ZNF487: variants seen among roughly 807,000 people sequenced by gnomAD.
ZNF487 encodes the protein zinc finger protein 487.
ZNF487 carries 4 observed loss-of-function variants against 3.0 expected under a neutral mutation model. The ratio of observed to expected loss-of-function variants is 1.35; its 90% CI spans 0.66 to 3.08. The LOEUF (loss-of-function observed/expected upper bound fraction) is 3.08. Ranked by LOEUF, ZNF487 falls within the 30% of genes most tolerant of loss-of-function variation. The probability of loss-of-function intolerance (pLI) is 0.01; values close to 1 mark genes in which losing one functional copy is unlikely to be tolerated. For synonymous variants in ZNF487, 55 were observed against 34.6 expected (o/e 1.59, Z -2.06); for missense variants, 146 against 98.7 (o/e 1.48, Z -2.03).
chr10:43,437,710 G>A (rs914603375), intron 1 of ZNF487, among the ~76,000 whole-genome samples: 1 of 152,144 alleles, frequency 6.6e-6, no homozygotes, highest in Non-Finnish European at 1.5e-5. Flanking sequence ...CCTTTTCCCA[G>A]TTCCTTCTGA....
intron 3 of ZNF487, among the ~76,000 whole-genome samples, chr10:43,477,487 G>A (rs1326919089): frequency 6.6e-6 from 1 of 151,916 alleles, no homozygotes; most frequent in Non-Finnish European, 1.5e-5. Flanking sequence ...GAGCCACTGC[G>A]CCTGGCTTCT....
chr10:43,490,346 T>C, the ZNF487 span, among the ~76,000 whole-genome samples: 1 of 151,928 alleles, frequency 6.6e-6, no homozygotes, highest in Non-Finnish European at 1.5e-5. Context: ...ACCAAGACCC[T>C]GCCTCAAACA....
At chr10:43,484,811 T>A (rs1416985682), downstream of ZNF487, among the ~76,000 whole-genome samples, 1 of 152,230 alleles carries the variant, frequency 6.6e-6, no homozygotes, top group African/African-American at 2.4e-5. Context: ...CAGCACAACA[T>A]GAGTGTTTCC....
the ZNF487 span, among the ~76,000 whole-genome samples, chr10:43,493,719 T>A: frequency 0.066 from 1,807 of 27,534 alleles, 99 homozygotes; most frequent in African/African-American, 0.12. Context: ...AATATATATA[T>A]ATATATATAT....
the ZNF487 span, among the ~76,000 whole-genome samples, chr10:43,517,738 T>G: frequency 6.6e-6 from 1 of 152,096 alleles, no homozygotes. Context: ...AAAACCTCCT[T>G]GATGTAGGAT....
chr10:43,504,770 G>A, the ZNF487 span, among the ~76,000 whole-genome samples: 2 of 148,340 alleles, frequency 1.3e-5, no homozygotes, highest in Non-Finnish European at 3.0e-5. Flanking sequence ...GCAGTGGCAC[G>A]ATCTTGGCTC....
chr10:43,444,913 C>G (rs1839744367), intron 1 of ZNF487, among the ~76,000 whole-genome samples: 1 of 152,018 alleles, frequency 6.6e-6, no homozygotes, highest in African/African-American at 2.4e-5. Flanking sequence ...AGATTTAGGC[C>G]ATCATCTCTT....
At chr10:43,484,284 T>C (rs909209921), downstream of ZNF487, among the ~76,000 whole-genome samples, 1 of 152,166 alleles carries the variant, frequency 6.6e-6, no homozygotes. Context: ...CAATGAATTA[T>C]TACAGGTCAC....
In ZNF487 at chr10:43,467,295, C is replaced by T. The variant is rs576616411; in HGVS notation, c.-93-8426C>T. 9.9e-5 allele frequency among the ~76,000 whole-genome samples: 15 copies of T among 152,124 alleles called. No homozygotes were observed. In the South Asian group the frequency reaches 1.0e-3, roughly 11 times the overall value. On this transcript the variant is annotated intron_variant, in intron 1 of 3. Coordinates refer to ENST00000437590, the MANE Select transcript of ZNF487 (RefSeq NM_001355444.3). ...TCTTGGCTCACTGCAACCTCTGCCT[C>T]GCGGGTTCAAGTGATTCTTCTGCCT...
chr10:43,517,719 A>G, the ZNF487 span, among the ~76,000 whole-genome samples: 43 of 152,288 alleles, frequency 2.8e-4, no homozygotes, highest in Non-Finnish European at 4.9e-4. Flanking sequence ...CAAGTTTGGC[A>G]CAGCTACCAA....
chr10:43,490,416 T>G, the ZNF487 span, among the ~76,000 whole-genome samples: 5 of 151,950 alleles, frequency 3.3e-5, no homozygotes, highest in East Asian at 9.6e-4. Context: ...TCCCATTTCT[T>G]CTTGTGATTT....
At chr10:43,460,311 T>C (rs1840381768) in intron 1 of ZNF487, among the ~76,000 whole-genome samples, 1 of 152,066 alleles carries the variant, frequency 6.6e-6, no homozygotes, top group South Asian at 2.1e-4. Flanking sequence ...TTTTAAAATA[T>C]ATTCCATGAC....
chr10:43,457,424 G>A (rs534977673), intron 1 of ZNF487, among the ~76,000 whole-genome samples: 7 of 150,672 alleles, frequency 4.6e-5, no homozygotes, highest in Middle Eastern at 3.5e-3. Flanking sequence ...GCATGGTGGC[G>A]CATGCCTGTA....
chr10:43,520,882 G>C, the ZNF487 span, among the ~76,000 whole-genome samples: 4,054 of 152,300 alleles, frequency 0.027, 77 homozygotes, highest in Non-Finnish European at 0.037. Flanking sequence ...TGGTAATAAG[G>C]AGTGACAGTT....
chr10:43,463,191 G>A (rs1840496268), intron 1 of ZNF487, among the ~76,000 whole-genome samples: 1 of 151,196 alleles, frequency 6.6e-6, no homozygotes, highest in Non-Finnish European at 1.5e-5. Context: ...CCGAGTTCAC[G>A]CCATTGCAAT....
the ZNF487 span, among the ~76,000 whole-genome samples, chr10:43,506,043 G>A: frequency 6.6e-6 from 1 of 152,208 alleles, no homozygotes; most frequent in South Asian, 2.1e-4. Flanking sequence ...CTTTACCAGT[G>A]TTCTTTTCCT....
intron 1 of ZNF487, among the ~76,000 whole-genome samples, chr10:43,459,289 G>A (rs1840334080): frequency 6.6e-6 from 1 of 151,968 alleles, no homozygotes; most frequent in Admixed American, 6.6e-5. Context: ...GAGTGCAGTG[G>A]CATGGTCTTG....
chr10:43,484,727 C>A (rs1283559401), downstream of ZNF487, among the ~76,000 whole-genome samples: 3 of 152,146 alleles, frequency 2.0e-5, no homozygotes, highest in Non-Finnish European at 4.4e-5. Context: ...CTGAAGCATT[C>A]ATTCTATTTT....
intron 1 of ZNF487, among the ~76,000 whole-genome samples, chr10:43,466,891 A>G (rs1840725962): frequency 6.6e-6 from 1 of 151,288 alleles, no homozygotes; most frequent in Non-Finnish European, 1.5e-5. Flanking sequence ...TTTTTTTGAG[A>G]CAGTTTAGCT....
Sources: allele counts gnomAD v4.1 joint callset (sites outside exome capture counted in the v4.1 genomes callset), GRCh38; gene constraint gnomAD v4.1.1; transcripts MANE v1.5; gene names NCBI Gene and HGNC (gene_info 2026-07-23, HGNC 2026-07-21).